Variants in AUTS2 observed in about 807,000 individuals in gnomAD.
The protein encoded by AUTS2 is autism susceptibility gene 2 protein.
AUTS2 carries 17 observed loss-of-function variants against 112.4 expected under a neutral mutation model. The ratio of observed to expected loss-of-function variants is 0.15; its 90% CI spans 0.10 to 0.23. The LOEUF is 0.23. AUTS2 is among the 10% of genes least tolerant of loss of function. The pLI, the probability that AUTS2 is intolerant of heterozygous loss-of-function variation, is 1.00. For missense variants in AUTS2, 1,510 were observed against 1,701.6 expected (o/e 0.89, Z 1.98); for synonymous variants, 751 against 702.7 (o/e 1.07, Z -1.09).
rs117757626 is a variant in AUTS2, at chr7:70,663,566, A to G, written c.691-35003A>G. Among the ~76,000 whole-genome samples, 967 of 151,616 alleles carry G rather than the reference A, an allele frequency of 6.4e-3. 39 individuals are homozygous for G. The East Asian group carries it at 0.07, about 11-fold the overall frequency. Reference sequence around the variant, plus strand: ...GTGTCTTAGGGACCCCGTTCTTTTCATCTCGTGGCTTTGCCATCTCGTAAG... The same window carrying G: ...GTGTCTTAGGGACCCCGTTCTTTTCGTCTCGTGGCTTTGCCATCTCGTAAG... On this transcript the variant is annotated intron_variant, in intron 5 of 18. Coordinates refer to ENST00000342771, the MANE Select transcript of AUTS2 (RefSeq NM_015570.4).
chr7:70,441,046 T>G (rs1341386792), intron 5 of AUTS2, among the ~76,000 whole-genome samples: 1 of 152,232 alleles, frequency 6.6e-6, no homozygotes, highest in Non-Finnish European at 1.5e-5. Flanking sequence ...AACTTGAAAG[T>G]TGTGGAGATG....
intron 4 of AUTS2, among the ~76,000 whole-genome samples, chr7:70,141,474 A>T (rs1806858963): frequency 6.6e-6 from 1 of 152,208 alleles, no homozygotes; most frequent in Non-Finnish European, 1.5e-5. Context: ...AATCTAGGAC[A>T]TTACCAATGC....
chr7:70,411,154 C>T (rs926027888), intron 4 of AUTS2, among the ~76,000 whole-genome samples: 8 of 151,938 alleles, frequency 5.3e-5, no homozygotes, highest in Admixed American at 2.0e-4. Context: ...CACGAGCCAC[C>T]GCACCCAGCC....
chr7:70,063,256 G>GT (rs1474561245), intron 2 of AUTS2, among the ~76,000 whole-genome samples: 1 of 150,620 alleles, frequency 6.6e-6, no homozygotes, highest in African/African-American at 2.4e-5. Flanking sequence ...TGGGTTTTGG[G>GT]TTTTGTTTTT....
intron 6 of AUTS2, among the ~76,000 whole-genome samples, chr7:70,713,118 G>A (rs1810153248): frequency 6.6e-6 from 1 of 152,176 alleles, no homozygotes; most frequent in South Asian, 2.1e-4. Context: ...ATGTTATGCT[G>A]TAACCAGCTG....
chr7:70,297,523 G>A (rs571829886), intron 4 of AUTS2, among the ~76,000 whole-genome samples: 7 of 151,266 alleles, frequency 4.6e-5, no homozygotes, highest in East Asian at 2.0e-4. Context: ...TCTGCCTCCC[G>A]GGTTCACGCC....
intron 2 of AUTS2, among the ~76,000 whole-genome samples, chr7:70,099,049 A>G (rs1302984373): frequency 2.0e-5 from 3 of 151,826 alleles, no homozygotes; most frequent in South Asian, 2.1e-4. Context: ...TTATTTTGTC[A>G]TACATTGTTG....
chr7:70,125,528 C>T (rs1049261213), intron 3 of AUTS2, among the ~76,000 whole-genome samples: 3 of 152,150 alleles, frequency 2.0e-5, no homozygotes, highest in Non-Finnish European at 4.4e-5. Flanking sequence ...GATGTGCTGA[C>T]TAGTCATCAG....
chr7:70,410,260 A>G (rs1794714800), intron 4 of AUTS2, among the ~76,000 whole-genome samples: 1 of 152,170 alleles, frequency 6.6e-6, no homozygotes, highest in East Asian at 1.9e-4. Context: ...GAACTGAAGC[A>G]CTTCCTATTA....
intron 5 of AUTS2, among the ~76,000 whole-genome samples, chr7:70,522,375 G>A (rs1056188671): frequency 3.9e-5 from 6 of 152,198 alleles, no homozygotes; most frequent in Admixed American, 3.3e-4. Flanking sequence ...GTGATGCTGA[G>A]ATTTGAGGCA....
chr7:70,066,418 T>C (rs957461767), intron 2 of AUTS2, among the ~76,000 whole-genome samples: 2 of 152,188 alleles, frequency 1.3e-5, no homozygotes, highest in African/African-American at 2.4e-5. Context: ...AAGTTCAAAG[T>C]CATGTTTAAT....
chr7:70,160,105 T>A (rs1273750861), intron 4 of AUTS2, among the ~76,000 whole-genome samples: 2 of 152,176 alleles, frequency 1.3e-5, no homozygotes, highest in African/African-American at 4.8e-5. Flanking sequence ...TACATGTGAC[T>A]TTTTAGCAAC....
chr7:70,440,996 C>T (rs1020388616), intron 5 of AUTS2, among the ~76,000 whole-genome samples: 3 of 152,112 alleles, frequency 2.0e-5, no homozygotes, highest in Non-Finnish European at 2.9e-5. Context: ...GATTTTTCCC[C>T]GTGTTTAATG....
At chr7:70,446,369 A>G (rs1470165148) in intron 5 of AUTS2, among the ~76,000 whole-genome samples, 1 of 152,196 alleles carries the variant, frequency 6.6e-6, no homozygotes, top group East Asian at 1.9e-4. Flanking sequence ...TCTGTCAGCC[A>G]ATGATTTGTC....
At chr7:70,069,162 C>T (rs937864423) in intron 2 of AUTS2, among the ~76,000 whole-genome samples, 1 of 152,130 alleles carries the variant, frequency 6.6e-6, no homozygotes, top group Non-Finnish European at 1.5e-5. Flanking sequence ...GCAGAAGTAC[C>T]TCAGTAATAG....
intron 4 of AUTS2, among the ~76,000 whole-genome samples, chr7:70,221,814 G>T (rs1481583058): frequency 6.6e-6 from 1 of 152,208 alleles, no homozygotes; most frequent in Admixed American, 6.5e-5. Context: ...TTGAACCTGG[G>T]AGGCAGGGAT....
chr7:70,784,767 AAAAAAAC>A (rs1414336109), intron 15 of AUTS2, 168 bp from the exon 16 acceptor site: 3,152 of 271,524 alleles, frequency 0.012, 30 homozygotes, highest in East Asian at 0.042. Context: ...AAAAAAAAAA[AAAAAAAC>A]ACACATTTTC....
At chr7:70,159,943 T>C (rs1035649070) in intron 4 of AUTS2, among the ~76,000 whole-genome samples, 2 of 152,158 alleles carry the variant, frequency 1.3e-5, no homozygotes, top group Admixed American at 6.5e-5. Context: ...TAGTTTTACC[T>C]CTTCTGGTGT....
chr7:69,858,183 AG>A (rs1792819711), intron 1 of AUTS2, among the ~76,000 whole-genome samples: 1 of 152,178 alleles, frequency 6.6e-6, no homozygotes, highest in East Asian at 1.9e-4. Context: ...AATAGCTCAG[AG>A]TGCACGTCCT....
Sources: gnomAD v4.1 joint callset for allele counts (sites outside exome capture counted in the v4.1 genomes callset) on GRCh38, gnomAD v4.1.1 for gene constraint, MANE v1.5 for transcripts, NCBI Gene and HGNC (gene_info 2026-07-23, HGNC 2026-07-21) for gene names.